The following TRPM3 variants were observed in gnomAD, a reference collection of about 807,000 sequenced individuals.
The protein encoded by TRPM3 is long transient receptor potential channel 3.
In TRPM3, 77 loss-of-function variants were observed where a neutral mutation model predicts 181.2. That is an observed-to-expected ratio of 0.42 (90% CI 0.35 to 0.51). The LOEUF (loss-of-function observed/expected upper bound fraction) is 0.51. Among genes scored for constraint, TRPM3 ranks in the 20% least tolerant of loss-of-function variants. The pLI, the probability that TRPM3 is intolerant of heterozygous loss-of-function variation, is 0.01. For missense variants in TRPM3, 1,759 were observed against 2,196.7 expected (o/e 0.80, Z 3.98); for synonymous variants, 745 against 796.4 (o/e 0.94, Z 1.09).
intron 1 of TRPM3, among the ~76,000 whole-genome samples, chr9:71,373,237 C>T (rs2092574390): frequency 6.6e-6 from 1 of 151,300 alleles, no homozygotes. Context: ...GCCAACAAAC[C>T]CCTATGCTAG....
chr9:70,927,700 C>T (rs1450928088), intron 1 of TRPM3, among the ~76,000 whole-genome samples: 1 of 152,114 alleles, frequency 6.6e-6, no homozygotes, highest in Non-Finnish European at 1.5e-5. Context: ...GTTTTGTACC[C>T]CACAAAAGAG....
Position 70,741,114 on chromosome 9 carries a change from G to GA in TRPM3, c.1272+20486dup, listed in dbSNP as rs2073989446. Among the ~76,000 whole-genome samples the GA allele has an allele frequency of 3.3e-5, 5 of 151,720 alleles. No homozygotes were observed. The South Asian group carries it at 1.0e-3, about 32-fold the overall frequency. ...CAAGAAACTCAAACAAATCAGCAAGGAAAAAACAAACAATCCCATCAAAAA... is the reference window on the plus strand; with the variant it reads ...CAAGAAACTCAAACAAATCAGCAAGGAAAAAAACAAACAATCCCATCAAAAA... On this transcript the variant is annotated intron_variant, in intron 8 of 25. Coordinates refer to ENST00000677713, the MANE Select transcript of TRPM3 (RefSeq NM_001366145.2).
At chr9:70,609,411 A>G (rs1171369900) in intron 19 of TRPM3, among the ~76,000 whole-genome samples, 1 of 152,196 alleles carries the variant, frequency 6.6e-6, no homozygotes, top group Non-Finnish European at 1.5e-5. Context: ...CTCACTGAAA[A>G]CATCTAATAT....
intron 1 of TRPM3, among the ~76,000 whole-genome samples, chr9:70,990,703 A>G (rs2097473565): frequency 6.6e-6 from 1 of 152,294 alleles, no homozygotes; most frequent in Admixed American, 6.5e-5. Context: ...CTGCACATAC[A>G]TGTGGTTAAA....
chr9:71,187,916 T>C (rs1052270040), intron 1 of TRPM3, among the ~76,000 whole-genome samples: 85 of 112,746 alleles, frequency 7.5e-4, no homozygotes, highest in African/African-American at 2.5e-3. Flanking sequence ...GATAGATAGA[T>C]AGATAGATAG....
chr9:71,208,522 C>T (rs1176347043), intron 1 of TRPM3, among the ~76,000 whole-genome samples: 1 of 152,120 alleles, frequency 6.6e-6, no homozygotes, highest in Non-Finnish European at 1.5e-5. Context: ...GTTCAAATTG[C>T]CCTGCAAAGG....
intron 1 of TRPM3, among the ~76,000 whole-genome samples, chr9:71,324,389 A>G (rs187005435): frequency 6.6e-6 from 1 of 152,248 alleles, no homozygotes; most frequent in East Asian, 1.9e-4. Context: ...CTAATCAGAG[A>G]AATACAAATC....
rs75455492 is a variant in TRPM3, at chr9:71,300,368, C to T, written c.183+146285G>A. Among the ~76,000 whole-genome samples the T allele has an allele frequency of 9.0e-3, 1,364 of 152,128 alleles. 21 individuals carry two copies. Among genetic ancestry groups the T allele is most frequent in the African/African-American group, 0.028 (1,147 of 41,518 alleles). ...TAATAAATTATTTAATTGGATTTTT[C>T]CCTCCATTCAATTGTAAAATCTATG... On this transcript the variant is annotated intron_variant, in intron 1 of 24. Coordinates refer to the TRPM3 transcript ENST00000357533.
intron 1 of TRPM3, among the ~76,000 whole-genome samples, chr9:71,180,630 T>C (rs1219843869): frequency 6.6e-6 from 1 of 152,114 alleles, no homozygotes; most frequent in East Asian, 1.9e-4. Context: ...ACTGAAGTCA[T>C]GAGTAGCTGT....
Position 70,535,984 on chromosome 9 carries a change from G to GCCGAT in TRPM3, c.5124_5128dup (p.Ala1710AspfsTer16). 1 of 1,607,632 alleles carries GCCGAT rather than the reference G, an allele frequency of 6.2e-7. No individual in the cohort carries two copies. Among genetic ancestry groups the GCCGAT allele is most frequent in the Non-Finnish European group, 8.5e-7 (1 of 1,177,482 alleles). ...GTGCTTGCTTTCAAAGCTTTGGAAA[G>GCCGAT]CCGATGTTCTGGACAGTCTCCTCAT... On this transcript the variant is annotated frameshift_variant, in exon 26 of 26. Transcript: ENST00000677713. LOFTEE classifies it high-confidence loss of function.
chr9:71,158,053 T>C (rs1483044683), intron 1 of TRPM3, among the ~76,000 whole-genome samples: 1 of 152,144 alleles, frequency 6.6e-6, no homozygotes, highest in Admixed American at 6.6e-5. Context: ...ATTATAATAT[T>C]GTACAGTAAG....
At chr9:70,658,110 T>C (rs989879304) in intron 9 of TRPM3, among the ~76,000 whole-genome samples, 23 of 152,186 alleles carry the variant, frequency 1.5e-4, no homozygotes, top group African/African-American at 4.3e-4. Flanking sequence ...ATTTTATAGA[T>C]TGTTTATAAA....
chr9:71,102,705 T>TTCACACAC (rs1379439688), intron 1 of TRPM3, among the ~76,000 whole-genome samples: 16 of 152,222 alleles, frequency 1.1e-4, no homozygotes, highest in African/African-American at 3.6e-4. Flanking sequence ...AATTAGTTGT[T>TTCACACAC]TCACACACTG....
chr9:71,324,061 T>C (rs1356017570), intron 1 of TRPM3, among the ~76,000 whole-genome samples: 3 of 152,164 alleles, frequency 2.0e-5, no homozygotes, highest in African/African-American at 7.2e-5. Flanking sequence ...ATGCACAAAA[T>C]TGTGAATTTT....
intron 1 of TRPM3, among the ~76,000 whole-genome samples, chr9:71,335,009 T>C (rs2090455114): frequency 6.6e-6 from 1 of 152,086 alleles, no homozygotes. Context: ...TTGCCCTACA[T>C]TACAAAATGT....
intron 1 of TRPM3, among the ~76,000 whole-genome samples, chr9:70,919,746 T>G (rs565407728): frequency 1.3e-5 from 2 of 150,288 alleles, no homozygotes; most frequent in Non-Finnish European, 1.5e-5. Context: ...ATCACGCCAT[T>G]GCACTCCAGC....
chr9:71,329,360 A>G (rs1013449468), intron 1 of TRPM3, among the ~76,000 whole-genome samples: 3 of 152,234 alleles, frequency 2.0e-5, no homozygotes, highest in African/African-American at 7.2e-5. Flanking sequence ...GACAGTCTGA[A>G]TTAAATACCA....
chr9:70,631,823 C>G (rs1289925254), intron 12 of TRPM3, among the ~76,000 whole-genome samples: 1 of 152,310 alleles, frequency 6.6e-6, no homozygotes, highest in East Asian at 1.9e-4. Flanking sequence ...AGCAATTCCC[C>G]ACATTCAGTT....
Position 71,336,070 on chromosome 9 carries a change from C to T in TRPM3, c.183+110583G>A, listed in dbSNP as rs545584772. ...GAAGACATCAGTGTCTTTTGGCAAGCTAGCCTGAAAAATAACCACAAAATA... is the reference window on the plus strand; with the variant it reads ...GAAGACATCAGTGTCTTTTGGCAAGTTAGCCTGAAAAATAACCACAAAATA... On this transcript the variant is annotated intron_variant, in intron 1 of 24. Coordinates refer to the TRPM3 transcript ENST00000357533. 4.6e-5 allele frequency among the ~76,000 whole-genome samples: 7 copies of T among 152,036 alleles called. No homozygotes were observed. The South Asian group carries it at 1.5e-3, about 32-fold the overall frequency.
Sources: allele counts gnomAD v4.1 joint callset (sites outside exome capture counted in the v4.1 genomes callset), GRCh38; gene constraint gnomAD v4.1.1; transcripts MANE v1.5; gene names NCBI Gene and HGNC (gene_info 2026-07-23, HGNC 2026-07-21).